DAAM1: variants seen among roughly 807,000 people sequenced by gnomAD.
The protein encoded by DAAM1 is dishevelled associated activator of morphogenesis 1.
DAAM1 carries 52 observed loss-of-function variants against 130.0 expected under a neutral mutation model. That is an observed-to-expected ratio of 0.40 (90% CI 0.32 to 0.50). The LOEUF is 0.50. Among genes scored for constraint, DAAM1 ranks in the 20% least tolerant of loss-of-function variants. The pLI, the probability that DAAM1 is intolerant of heterozygous loss-of-function variation, is 0.61. For synonymous variants in DAAM1, 452 were observed against 444.5 expected, an observed-to-expected ratio of 1.02 and a Z score of -0.21; for missense variants, 1,134 against 1,303.8, an observed-to-expected ratio of 0.87 and a Z score of 2.01.
intron 12 of DAAM1, among the ~76,000 whole-genome samples, chr14:59,328,958 T>G (rs904818566): frequency 2.0e-5 from 3 of 152,164 alleles, no homozygotes; most frequent in Admixed American, 6.5e-5. Context: ...AGGGTAGAAG[T>G]GATAAGGAGA....
chr14:59,317,431 A>G (rs532186974), intron 4 of DAAM1, among the ~76,000 whole-genome samples: 2 of 152,276 alleles, frequency 1.3e-5, no homozygotes, highest in South Asian at 4.1e-4. Context: ...TGATGTCTGT[A>G]CTGGAGAATT....
At chr14:59,287,500 T>G (rs1249724145) in intron 2 of DAAM1, among the ~76,000 whole-genome samples, 1 of 152,152 alleles carries the variant, frequency 6.6e-6, no homozygotes, top group Non-Finnish European at 1.5e-5. Context: ...TGTGTCTCTT[T>G]ATGATGTGTT....
chr14:59,360,957 T>G, intron 22 of DAAM1, 95 bp downstream of exon 22: 1 of 1,017,392 alleles, frequency 9.8e-7, no homozygotes, highest in Non-Finnish European at 1.4e-6. Flanking sequence ...GCATGTGGTA[T>G]GCCCGGGATA....
At chr14:59,270,418 C>G (rs541851028) in intron 2 of DAAM1, among the ~76,000 whole-genome samples, 13 of 152,214 alleles carry the variant, frequency 8.5e-5, no homozygotes, top group Middle Eastern at 3.4e-3. Flanking sequence ...ACAACCAGCT[C>G]TCCAGGGAAC....
At chr14:59,359,000 C>A (rs1244162614) in intron 20 of DAAM1, among the ~76,000 whole-genome samples, 2 of 152,146 alleles carry the variant, frequency 1.3e-5, no homozygotes, top group Non-Finnish European at 2.9e-5. Context: ...GCAGGGCACA[C>A]CCCATTTTAG....
At position 59,272,929 on chromosome 14, in the gene DAAM1, G is replaced by T. The variant is rs192423369; in HGVS notation, c.183+9269G>T. Among the ~76,000 whole-genome samples the T allele has an allele frequency of 7.2e-5, 11 of 152,288 alleles. No homozygotes were observed. In the East Asian group the frequency reaches 2.1e-3, roughly 29 times the overall value. ...GGACTTGATCAGTTATTTTGGCCCTGAGAACAACTGATGGTTTATGATATA... is the reference window on the plus strand; with the variant it reads ...GGACTTGATCAGTTATTTTGGCCCTTAGAACAACTGATGGTTTATGATATA... On this transcript the variant is annotated intron_variant, in intron 2 of 24. Coordinates refer to ENST00000360909, the MANE Select transcript of DAAM1 (RefSeq NM_001270520.2).
chr14:59,223,223 A>G (rs1888832130), intron 1 of DAAM1, among the ~76,000 whole-genome samples: 1 of 152,182 alleles, frequency 6.6e-6, no homozygotes, highest in South Asian at 2.1e-4. Flanking sequence ...CTTTCGCCTG[A>G]TCGTGTATAT....
At position 59,280,535 on chromosome 14, in the gene DAAM1, CTTTTTTTTTTT is replaced by C. The variant is rs35354608; in HGVS notation, c.184-10669_184-10659del. On this transcript the variant is annotated intron_variant, in intron 2 of 24. Transcript: ENST00000360909. ...TCTTCTCTACTTTCTGCACACCTTC[CTTTTTTTTTTT>C]TTTTTTTTTTTTCATTTCTGCTATG... Among the ~76,000 whole-genome samples, 21 of 90,656 alleles carry C rather than the reference CTTTTTTTTTTT, an allele frequency of 2.3e-4. 1 individual carries two copies. The highest frequency in any genetic ancestry group is 1.9e-3 in the Admixed American group (13 of 6,722). 59.5% of individuals were successfully genotyped at this position (90,656 alleles called of 152,430 possible). A position where few individuals can be genotyped will look rare whatever the true frequency, so the allele number is the denominator to read the frequency against.
intron 1 of DAAM1, among the ~76,000 whole-genome samples, chr14:59,222,301 A>G (rs1271498): frequency 0.98 from 149,849 of 152,330 alleles, 73,748 homozygotes; most frequent in East Asian, 1. Context: ...ATGGTTGGTG[A>G]TTTTGGCAGA....
chr14:59,227,395 C>T lies in DAAM1; in HGVS notation c.-37-36046C>T, dbSNP rs187901066. ...TGTAGGTCACCTTCTTGTTATCTTA[C>T]GTAGTTTCACTGAGACGGCCATGAG... is the stretch of plus-strand genomic sequence containing the variant. On this transcript the variant is annotated intron_variant, in intron 1 of 24. Transcript: ENST00000360909. Among the ~76,000 whole-genome samples the T allele has an allele frequency of 1.4e-4, 21 of 152,260 alleles. No individual in the cohort carries two copies. The East Asian group carries it at 3.1e-3, about 22-fold the overall frequency.
chr14:59,238,892 A>G (rs1005095528), intron 1 of DAAM1, among the ~76,000 whole-genome samples: 1 of 152,188 alleles, frequency 6.6e-6, no homozygotes, highest in Admixed American at 6.5e-5. Context: ...AGAGACTTTC[A>G]GAGAAGGAGC....
At chr14:59,223,541 T>A (rs1052478766) in intron 1 of DAAM1, among the ~76,000 whole-genome samples, 1 of 152,120 alleles carries the variant, frequency 6.6e-6, no homozygotes, top group African/African-American at 2.4e-5. Flanking sequence ...TCAGGCAATG[T>A]TGGAATCTGC....
chr14:59,352,594 G>A lies in DAAM1; in HGVS notation c.2229G>A (p.Arg743=), dbSNP rs1484535236. Residue 743 remains arginine (R), a synonymous_variant, in exon 18 of 25, where the codon CGG becomes CGA. Coordinates refer to ENST00000360909, the MANE Select transcript of DAAM1 (RefSeq NM_001270520.2). Reference sequence around the variant, plus strand: ...AGGAACATAAACACGAACTGGATCGGATGGCCAAGGCTGATAGGTTCCTTT... The same window carrying A: ...AGGAACATAAACACGAACTGGATCGAATGGCCAAGGCTGATAGGTTCCTTT... The part of the protein sequence containing the change: ...LLEEHKHELD[R]MAKADRFLFE... 3.7e-6 allele frequency: 6 copies of A among 1,613,490 alleles called. No homozygotes were observed. Among genetic ancestry groups the A allele is most frequent in the Non-Finnish European group, 5.1e-6 (6 of 1,179,812 alleles).
intron 21 of DAAM1, 54 bp from the exon 22 acceptor site, chr14:59,360,748 A>G (rs2139683058): frequency 6.7e-7 from 1 of 1,493,338 alleles, no homozygotes; most frequent in Non-Finnish European, 9.2e-7. Context: ...CCCATCTTAT[A>G]TTTAATATGT....
At chr14:59,242,308 A>G (rs576654441) in intron 1 of DAAM1, among the ~76,000 whole-genome samples, 1 of 152,286 alleles carries the variant, frequency 6.6e-6, no homozygotes, top group South Asian at 2.1e-4. Context: ...CTTTTCCATT[A>G]TTATATGCCT....
intron 2 of DAAM1, among the ~76,000 whole-genome samples, chr14:59,273,860 A>G (rs17096003): frequency 0.015 from 2,311 of 152,330 alleles, 47 homozygotes; most frequent in African/African-American, 0.052. Flanking sequence ...GGAATTATCT[A>G]GTCACCATGG....
intron 2 of DAAM1, among the ~76,000 whole-genome samples, chr14:59,274,972 G>A (rs917500956): frequency 1.3e-5 from 2 of 152,178 alleles, no homozygotes; most frequent in Non-Finnish European, 2.9e-5. Context: ...GCTCCAATGT[G>A]GGAAGACTTA....
intron 2 of DAAM1, among the ~76,000 whole-genome samples, chr14:59,272,608 T>TATACACAC (rs1228894453): frequency 7.3e-6 from 1 of 136,940 alleles, no homozygotes; most frequent in Admixed American, 7.2e-5. Context: ...TATATATATA[T>TATACACAC]ACACACACAC....
Position 59,331,419 on chromosome 14 carries a change from G to A in DAAM1, c.1771G>A (p.Gly591Ser), listed in dbSNP as rs995671667. The A allele has an allele frequency of 6.2e-7, 1 of 1,613,540 alleles. No individual in the cohort carries two copies. The highest frequency in any genetic ancestry group is 8.5e-7 in the Non-Finnish European group (1 of 1,179,994). Reference protein sequence around the residue: ...PPLGAIMPPPGAPMGLALKKK... With the variant: ...PPLGAIMPPPSAPMGLALKKK... The stretch of plus-strand genomic sequence containing the variant: ...CTTAGGGGCAATCATGCCACCTCCT[G>A]GTGCTCCAATGGGCCTAGCACTGAA... The change falls in exon 14 of 25, where the codon GGT becomes AGT. Residue 591 changes from glycine to serine, a missense_variant. Physicochemically the swap from Gly to Ser is moderately conservative, Grantham distance 56. This residue lies in a region of DAAM1 where 644 missense variants were observed against 695.9 expected (regional missense o/e 0.93). Coordinates refer to ENST00000360909, the MANE Select transcript of DAAM1 (RefSeq NM_001270520.2).
Sources: gnomAD v4.1 joint callset for allele counts (sites outside exome capture counted in the v4.1 genomes callset) on GRCh38, gnomAD v4.1.1 for gene constraint, gnomAD v4.1.1 regional missense constraint, MANE v1.5 for transcripts, NCBI Gene and HGNC (gene_info 2026-07-23, HGNC 2026-07-21) for gene names.